The following CNOT4 variants were observed in gnomAD, a reference collection of about 807,000 sequenced individuals.
The protein encoded by CNOT4 is CCR4-NOT transcription complex subunit 4.
In CNOT4, 8 loss-of-function variants were observed where a neutral mutation model predicts 73.8. The observed-to-expected ratio is 0.11, with a 90% CI of 0.06 to 0.20. The LOEUF (loss-of-function observed/expected upper bound fraction) is 0.20, where lower values mean the gene tolerates loss of function less well. CNOT4 is among the 10% of genes least tolerant of loss of function. The pLI, the probability that CNOT4 is intolerant of heterozygous loss-of-function variation, is 1.00. For missense variants in CNOT4, 564 were observed against 883.4 expected (o/e 0.64, Z 4.58); for synonymous variants, 293 against 321.1 (o/e 0.91, Z 0.94).
At chr7:135,403,195 C>T (rs1797094888) in intron 7 of CNOT4, among the ~76,000 whole-genome samples, 1 of 152,116 alleles carries the variant, frequency 6.6e-6, no homozygotes, top group African/African-American at 2.4e-5. Context: ...TATACAAATA[C>T]ATATTCATTT....
chr7:135,380,928 C>T (rs1413400296), intron 10 of CNOT4, among the ~76,000 whole-genome samples: 1 of 152,078 alleles, frequency 6.6e-6, no homozygotes, highest in East Asian at 1.9e-4. Context: ...TTATCCTTTC[C>T]TTGGGTTTTC....
chr7:135,463,266 G>T lies in CNOT4; in HGVS notation c.-92-24843C>A, dbSNP rs572063584. ...ATAAAAACCCTGGAAGACCGGGCAC[G>T]GTGGCTCATGCCTGTAATCCCAGCA... On this transcript the variant is annotated intron_variant, in intron 1 of 11. Coordinates refer to ENST00000541284, the MANE Select transcript of CNOT4 (RefSeq NM_001190850.2). 2.7e-3 allele frequency among the ~76,000 whole-genome samples: 410 copies of T among 152,254 alleles called. 2 individuals carry two copies. The highest frequency in any genetic ancestry group is 9.5e-3 in the African/African-American group (393 of 41,548).
At chr7:135,422,056 G>T in intron 3 of CNOT4, 100 bp downstream of exon 3, 1 of 715,184 alleles carries the variant, frequency 1.4e-6, no homozygotes, top group South Asian at 1.7e-5. Context: ...GATATAATGT[G>T]TTCAGAGGAA....
At chr7:135,425,102 A>G (rs919052694) in intron 2 of CNOT4, among the ~76,000 whole-genome samples, 5 of 152,232 alleles carry the variant, frequency 3.3e-5, no homozygotes, top group African/African-American at 9.6e-5. Flanking sequence ...TGACACAAGC[A>G]AAATATTAGC....
intron 1 of CNOT4, among the ~76,000 whole-genome samples, chr7:135,444,043 G>A (rs1465496569): frequency 6.6e-6 from 1 of 151,974 alleles, no homozygotes; most frequent in Non-Finnish European, 1.5e-5. Flanking sequence ...AGGAGGCCGA[G>A]GTAGGAGGAT....
In CNOT4 at chr7:135,365,891, A is replaced by C. The variant is rs548273396; in HGVS notation, c.1628-1825T>G. ...TACATGAGACACAAACAAGATCATA[A>C]ATATAAGTCCTAGAACACTCTCAAT... On this transcript the variant is annotated intron_variant, in intron 10 of 11. Coordinates refer to ENST00000541284, the MANE Select transcript of CNOT4 (RefSeq NM_001190850.2). Among the ~76,000 whole-genome samples the C allele has an allele frequency of 3.7e-4, 57 of 152,328 alleles. 1 individual carries two copies. Among genetic ancestry groups the C allele is most frequent in the African/African-American group, 1.3e-3 (56 of 41,586 alleles).
At position 135,426,602 on chromosome 7, in the gene CNOT4, CAA is replaced by C. The variant is rs35332719; in HGVS notation, c.175-4251_175-4250del. ...TGGGTGACAGAGCAAGACTCCGTCTCAAAAAAAAAAAAAAAAGAAAGAAAGAA... is the reference window on the plus strand; with the variant it reads ...TGGGTGACAGAGCAAGACTCCGTCTCAAAAAAAAAAAAAAGAAAGAAAGAA... On this transcript the variant is annotated intron_variant, in intron 2 of 11. Transcript: ENST00000541284. Among the ~76,000 whole-genome samples, 252 of 110,992 alleles carry C rather than the reference CAA, an allele frequency of 2.3e-3. 1 individual carries two copies. Among genetic ancestry groups the C allele is most frequent in the African/African-American group, 5.3e-3 (147 of 27,560 alleles). The allele number at this position is 110,992 out of a possible 152,430, so 72.8% of individuals were successfully genotyped here.
chr7:135,504,256 C>G (rs765823012), intron 1 of CNOT4, among the ~76,000 whole-genome samples: 28 of 151,590 alleles, frequency 1.8e-4, no homozygotes, highest in Non-Finnish European at 3.2e-4. Flanking sequence ...CTACATCATT[C>G]ACTAATTGCT....
intron 1 of CNOT4, among the ~76,000 whole-genome samples, chr7:135,502,651 C>T (rs1804059702): frequency 6.6e-6 from 1 of 150,814 alleles, no homozygotes. Flanking sequence ...CCTGTCTCTA[C>T]TAAAAATACA....
intron 1 of CNOT4, among the ~76,000 whole-genome samples, chr7:135,503,187 C>T (rs1266264988): frequency 2.7e-5 from 4 of 148,792 alleles, no homozygotes; most frequent in African/African-American, 7.4e-5. Flanking sequence ...TATTATATCA[C>T]AGCATAGTGG....
intron 1 of CNOT4, among the ~76,000 whole-genome samples, chr7:135,462,465 A>C (rs76762660): frequency 0.022 from 3,382 of 152,230 alleles, 120 homozygotes; most frequent in African/African-American, 0.07. Flanking sequence ...CAGGAGAAAA[A>C]AAGGGATGAA....
intron 10 of CNOT4, among the ~76,000 whole-genome samples, chr7:135,377,238 A>G (rs1397259685): frequency 6.6e-6 from 1 of 152,250 alleles, no homozygotes; most frequent in Admixed American, 6.5e-5. Context: ...AATCTGAAAA[A>G]GCTACATTAG....
At chr7:135,495,669 CAAAAAAAAAAAAAAAAA>C (rs1198174318) in intron 1 of CNOT4, among the ~76,000 whole-genome samples, 2 of 31,876 alleles carry the variant, frequency 6.3e-5, no homozygotes, top group Admixed American at 5.0e-4. Context: ...GACCCTGTGT[CAAAAAAAAAAAAAAAAA>C]AAAAAAAGAA....
At chr7:135,444,304 T>C (rs1799682341) in intron 1 of CNOT4, among the ~76,000 whole-genome samples, 1 of 152,162 alleles carries the variant, frequency 6.6e-6, no homozygotes, top group Admixed American at 6.5e-5. Context: ...CTTGAACAGA[T>C]ACTTGTGCAC....
At chr7:135,398,148 G>A (rs1395058781) in intron 8 of CNOT4, 21 bp downstream of exon 8, 1 of 1,349,502 alleles carries the variant, frequency 7.4e-7, no homozygotes, top group East Asian at 2.3e-5. Context: ...TAAATCAAGT[G>A]ATACTGTATT....
chr7:135,368,196 C>T (rs1795013907), intron 10 of CNOT4, among the ~76,000 whole-genome samples: 2 of 152,060 alleles, frequency 1.3e-5, no homozygotes, highest in Admixed American at 6.5e-5. Context: ...CTCAGAAAAT[C>T]TCTTATTAAA....
intron 7 of CNOT4, among the ~76,000 whole-genome samples, chr7:135,406,336 G>A (rs1257995222): frequency 8.4e-6 from 1 of 118,980 alleles, no homozygotes; most frequent in Non-Finnish European, 1.6e-5. Context: ...TCTATATCAT[G>A]TACTTATGCA....
At chr7:135,398,117 T>C in intron 8 of CNOT4, 52 bp downstream of exon 8, 1 of 990,720 alleles carries the variant, frequency 1.0e-6, no homozygotes, top group South Asian at 1.3e-5. Context: ...ATGGAATACC[T>C]TGCTTTCGGA....
At chr7:135,493,641 G>C (rs568746427) in intron 1 of CNOT4, among the ~76,000 whole-genome samples, 1 of 152,244 alleles carries the variant, frequency 6.6e-6, no homozygotes, top group South Asian at 2.1e-4. Flanking sequence ...GATAGTAACT[G>C]ACATAGAAAG....
Sources: allele counts gnomAD v4.1 joint callset (sites outside exome capture counted in the v4.1 genomes callset), GRCh38; gene constraint gnomAD v4.1.1; transcripts MANE v1.5; gene names NCBI Gene and HGNC (gene_info 2026-07-23, HGNC 2026-07-21).